The following PARD3B variants were observed in gnomAD, a reference collection of about 807,000 sequenced individuals.
PARD3B encodes the protein partitioning defective 3 homolog B.
Under a neutral mutation model 130.2 loss-of-function variants are expected in PARD3B, and 103 were observed. That is an observed-to-expected ratio of 0.79 (90% CI 0.67 to 0.93). PARD3B has a LOEUF of 0.93. Among genes scored for constraint, PARD3B ranks in the 40% least tolerant of loss-of-function variants. The probability of loss-of-function intolerance (pLI) is 0.00; values close to 1 mark genes in which losing one functional copy is unlikely to be tolerated. For synonymous variants in PARD3B, 583 were observed against 553.2 expected (o/e 1.05, Z -0.76); for missense variants, 1,609 against 1,499.2 (o/e 1.07, Z -1.21).
At position 205,263,875 on chromosome 2, in the gene PARD3B, A is replaced by G. The variant is rs1319181319; in HGVS notation, c.2185+18053A>G. ...GAACCCAAGGAATTGCCAAAATTTA[A>G]GGATAAGCAAAGGCACAAGTAGACT... On this transcript the variant is annotated intron_variant, in intron 16 of 22. Transcript: ENST00000406610. The surrounding 1 kb of genome is among the most constrained non-coding windows in gnomAD (Gnocchi z 4.0). Among the ~76,000 whole-genome samples, 2 of 151,362 alleles carry G rather than the reference A, an allele frequency of 1.3e-5. No homozygotes were observed.
intron 3 of PARD3B, among the ~76,000 whole-genome samples, chr2:204,987,135 C>T (rs1158770833): frequency 6.6e-6 from 1 of 151,848 alleles, no homozygotes; most frequent in African/African-American, 2.4e-5. Flanking sequence ...AATAAGAGAA[C>T]AGATTTGACT....
chr2:205,034,957 A>C (rs1305627000), intron 3 of PARD3B, among the ~76,000 whole-genome samples: 2 of 152,084 alleles, frequency 1.3e-5, no homozygotes, highest in Non-Finnish European at 2.9e-5. Context: ...CCTGAGTTCA[A>C]GTGATCCTCC....
chr2:204,706,886 A>C (rs575229197), intron 2 of PARD3B, among the ~76,000 whole-genome samples: 1 of 152,218 alleles, frequency 6.6e-6, no homozygotes, highest in Non-Finnish European at 1.5e-5. Context: ...AATAATGATG[A>C]TAAATAGTTT....
intron 2 of PARD3B, among the ~76,000 whole-genome samples, chr2:204,778,217 CAG>C (rs2041708970): frequency 6.6e-6 from 1 of 150,684 alleles, no homozygotes; most frequent in Admixed American, 6.6e-5. Flanking sequence ...TATTGAAATT[CAG>C]AGTTTTGCAA....
rs540484456 is a variant in PARD3B at position 205,466,212 on chromosome 2, T to C, written c.3044+25540T>C. Reference sequence around the variant, plus strand: ...AGAGGAAGGCAGTGCTGAATTGTTATTGATTTTAAAAACCATTTTAAATAA... The same window carrying C: ...AGAGGAAGGCAGTGCTGAATTGTTACTGATTTTAAAAACCATTTTAAATAA... On this transcript the variant is annotated intron_variant, in intron 20 of 22. Transcript: ENST00000406610. 4.6e-5 allele frequency among the ~76,000 whole-genome samples: 7 copies of C among 152,320 alleles called. No individual in the cohort carries two copies. In the South Asian group the frequency reaches 6.2e-4, roughly 14 times the overall value.
At chr2:205,067,403 A>G (rs1346809316) in intron 4 of PARD3B, among the ~76,000 whole-genome samples, 1 of 152,046 alleles carries the variant, frequency 6.6e-6, no homozygotes, top group Non-Finnish European at 1.5e-5. Flanking sequence ...GCCTCAAACC[A>G]TCCTCCTGTC....
intron 2 of PARD3B, among the ~76,000 whole-genome samples, chr2:204,739,751 C>T (rs2039916346): frequency 6.6e-6 from 1 of 151,946 alleles, no homozygotes; most frequent in Admixed American, 6.6e-5. Flanking sequence ...CATGCCTGGC[C>T]TCATTATGTC....
At chr2:204,859,128 C>T (rs1432145722) in intron 2 of PARD3B, among the ~76,000 whole-genome samples, 1 of 151,854 alleles carries the variant, frequency 6.6e-6, no homozygotes, top group Non-Finnish European at 1.5e-5. Context: ...ACATTGAAGA[C>T]CAATATTTAA....
chr2:205,126,256 A>T (rs1169162369), intron 10 of PARD3B, among the ~76,000 whole-genome samples: 2 of 152,182 alleles, frequency 1.3e-5, no homozygotes, highest in Non-Finnish European at 2.9e-5. Context: ...AAGCCTTATT[A>T]AAAATGTATA....
At chr2:205,494,925 T>C in intron 20 of PARD3B, among the ~76,000 whole-genome samples, 1 of 152,182 alleles carries the variant, frequency 6.6e-6, no homozygotes, top group East Asian at 1.9e-4. Context: ...TGAGATGAGG[T>C]ATGTAAAGCA....
At chr2:205,474,843 T>C in intron 20 of PARD3B, among the ~76,000 whole-genome samples, 1 of 152,176 alleles carries the variant, frequency 6.6e-6, no homozygotes, top group East Asian at 1.9e-4. Flanking sequence ...ATTTGATTCA[T>C]GAAAAATAGT....
chr2:205,296,620 G>T (rs996151521), intron 16 of PARD3B, among the ~76,000 whole-genome samples: 2 of 151,652 alleles, frequency 1.3e-5, no homozygotes, highest in African/African-American at 4.8e-5. Flanking sequence ...TGGGCATTTT[G>T]CCTGGCACAG....
At chr2:204,931,797 G>A (rs1398915819) in intron 2 of PARD3B, among the ~76,000 whole-genome samples, 1 of 151,990 alleles carries the variant, frequency 6.6e-6, no homozygotes. Flanking sequence ...AGAGTGGGGG[G>A]CAGGGAAGAG....
intron 16 of PARD3B, among the ~76,000 whole-genome samples, chr2:205,256,997 A>G (rs1448908494): frequency 6.6e-6 from 1 of 152,162 alleles, no homozygotes; most frequent in Non-Finnish European, 1.5e-5. Context: ...TAGAGGGCAA[A>G]AACTTAGTCC....
intron 11 of PARD3B, among the ~76,000 whole-genome samples, chr2:205,165,136 G>A (rs1053309740): frequency 1.3e-5 from 2 of 152,040 alleles, no homozygotes; most frequent in Non-Finnish European, 2.9e-5. Flanking sequence ...TAACATATAT[G>A]CTTTAACAAG....
rs1553632798 is a variant in PARD3B, at chr2:205,178,229, G to GGA, written c.1924+1652_1924+1653insGA. Among the ~76,000 whole-genome samples the GGA allele has an allele frequency of 4.9e-3, 668 of 136,934 alleles. 12 individuals carry two copies. Among genetic ancestry groups the GGA allele is most frequent in the African/African-American group, 0.017 (612 of 36,314 alleles). 89.8% of individuals were successfully genotyped at this position (136,934 alleles called of 152,430 possible). ...TGTAATCCCAGCTACTATGGGGGGG[G>GGA]AAAAAAAAAAGAAGAAGCTGACTTT... On this transcript the variant is annotated intron_variant, in intron 13 of 22. Transcript: ENST00000406610.
chr2:204,784,921 T>A (rs1188540709), intron 2 of PARD3B, among the ~76,000 whole-genome samples: 1 of 152,200 alleles, frequency 6.6e-6, no homozygotes, highest in Non-Finnish European at 1.5e-5. Flanking sequence ...AAGCCGTGTA[T>A]TTTTACGTCT....
intron 2 of PARD3B, among the ~76,000 whole-genome samples, chr2:204,876,417 A>G (rs1250337686): frequency 6.6e-6 from 1 of 152,142 alleles, no homozygotes; most frequent in Non-Finnish European, 1.5e-5. Flanking sequence ...ATGTAATTGG[A>G]GATATGCTTC....
intron 14 of PARD3B, among the ~76,000 whole-genome samples, chr2:205,188,051 G>A (rs560171667): frequency 7.2e-5 from 11 of 152,308 alleles, no homozygotes; most frequent in African/African-American, 2.6e-4. Flanking sequence ...GAAATGCAGC[G>A]TCCTCTTAGA....
Sources: gnomAD v4.1 joint callset for allele counts (sites outside exome capture counted in the v4.1 genomes callset) on GRCh38, gnomAD v4.1.1 for gene constraint, Gnocchi (gnomAD v3.1) non-coding constraint, MANE v1.5 for transcripts, NCBI Gene and HGNC (gene_info 2026-07-23, HGNC 2026-07-21) for gene names.